NEK10: variants seen among roughly 807,000 people sequenced by gnomAD.
NEK10 encodes the protein serine/threonine-protein kinase Nek10.
NEK10 carries 122 observed loss-of-function variants against 159.8 expected under a neutral mutation model. The observed-to-expected ratio is 0.76, with a 90% CI of 0.66 to 0.89. The LOEUF (loss-of-function observed/expected upper bound fraction) is 0.89, where lower values mean the gene tolerates loss of function less well. Ranked by LOEUF, NEK10 falls within the 40% of genes least tolerant of loss-of-function variation. The pLI is 0.00. For missense variants in NEK10, 1,342 were observed against 1,323.1 expected, an observed-to-expected ratio of 1.01 and a Z score of -0.22; for synonymous variants, 466 against 457.1, an observed-to-expected ratio of 1.02 and a Z score of -0.25.
At chr3:27,123,108 T>C (rs1023805292) in intron 32 of NEK10, among the ~76,000 whole-genome samples, 1 of 152,236 alleles carries the variant, frequency 6.6e-6, no homozygotes, top group Non-Finnish European at 1.5e-5. Context: ...CCCCAGTGTA[T>C]GTTGGACAGC....
intron 1 of NEK10, chr3:27,367,613 T>C (rs2049190247): frequency 6.6e-6 from 1 of 152,246 alleles, no homozygotes. Flanking sequence ...ATTTTAGAGA[T>C]TCAGTCAGTT....
At chr3:27,211,946 G>A (rs760796666) in intron 23 of NEK10, among the ~76,000 whole-genome samples, 18 of 152,190 alleles carry the variant, frequency 1.2e-4, no homozygotes, top group Admixed American at 2.0e-4. Flanking sequence ...CTTTGGAGGT[G>A]AGGTTGGGTA....
At chr3:27,256,393 AAT>A (rs1399233208) in intron 22 of NEK10, 22 bp from the exon 23 acceptor site, 2 of 1,486,832 alleles carry the variant, frequency 1.3e-6, no homozygotes, top group Non-Finnish European at 1.8e-6. Context: ...AAAACAACGC[AAT>A]ATGTTACTAT....
intron 29 of NEK10, among the ~76,000 whole-genome samples, chr3:27,164,801 C>T (rs1369026608): frequency 6.6e-6 from 1 of 152,240 alleles, no homozygotes; most frequent in Non-Finnish European, 1.5e-5. Context: ...TTGTGGCAAA[C>T]TTGTATCCAT....
At chr3:27,311,937 A>G (rs1433098008) in intron 8 of NEK10, 162 bp downstream of exon 8, 3 of 603,382 alleles carry the variant, frequency 5.0e-6, no homozygotes, top group Non-Finnish European at 9.0e-6. Context: ...TTCTGGCTGT[A>G]TGTTGCCACT....
chr3:27,260,562 G>A (rs552050910), intron 22 of NEK10, among the ~76,000 whole-genome samples: 9 of 152,190 alleles, frequency 5.9e-5, no homozygotes, highest in Non-Finnish European at 1.0e-4. Context: ...GCATCCCAGG[G>A]ATGAAGCCCA....
chr3:27,221,846 C>G (rs1350982159), intron 23 of NEK10, among the ~76,000 whole-genome samples: 1 of 152,124 alleles, frequency 6.6e-6, no homozygotes, highest in East Asian at 1.9e-4. Context: ...CAGTTCAGGC[C>G]CTTTTCAGGA....
intron 6 of NEK10, among the ~76,000 whole-genome samples, chr3:27,316,099 G>A (rs998075057): frequency 3.9e-5 from 6 of 152,146 alleles, no homozygotes; most frequent in African/African-American, 7.2e-5. Context: ...CACTGTGGGA[G>A]GACTTAGATG....
intron 6 of NEK10, among the ~76,000 whole-genome samples, chr3:27,320,161 C>T (rs1258787647): frequency 2.0e-5 from 3 of 152,120 alleles, no homozygotes; most frequent in African/African-American, 7.2e-5. Flanking sequence ...GCCAGCAGGA[C>T]AATATTCGTT....
At chr3:27,149,669 C>T (rs71323266) in intron 30 of NEK10, among the ~76,000 whole-genome samples, 1 of 152,146 alleles carries the variant, frequency 6.6e-6, no homozygotes, top group Non-Finnish European at 1.5e-5. Context: ...CCATCTTTCC[C>T]TTCTTCATAG....
At chr3:27,225,455 T>G (rs1952541028) in intron 23 of NEK10, among the ~76,000 whole-genome samples, 2 of 151,568 alleles carry the variant, frequency 1.3e-5, no homozygotes, top group South Asian at 4.2e-4. Context: ...GTGCACATAA[T>G]GTCCCCTCTT....
chr3:27,321,794 G>A (rs867843154), intron 6 of NEK10, among the ~76,000 whole-genome samples: 2 of 152,186 alleles, frequency 1.3e-5, no homozygotes, highest in Non-Finnish European at 2.9e-5. Context: ...TCAGCCACAT[G>A]AGCAGGCCAT....
intron 23 of NEK10, among the ~76,000 whole-genome samples, chr3:27,238,154 T>C (rs1954149434): frequency 6.6e-6 from 1 of 152,170 alleles, no homozygotes; most frequent in Non-Finnish European, 1.5e-5. Context: ...TAATATGAGT[T>C]AGGGAAAAGC....
intron 22 of NEK10, among the ~76,000 whole-genome samples, chr3:27,261,649 G>T (rs1380245035): frequency 2.0e-5 from 3 of 152,146 alleles, no homozygotes; most frequent in Non-Finnish European, 4.4e-5. Context: ...CCAACTATGT[G>T]GTCAATTTTG....
chr3:27,183,316 T>A lies in NEK10; in HGVS notation c.2506-8483A>T, dbSNP rs1198687455. ...ATATATATTGTCAGGCAATTTTCAATAAAGATGCTTAGCAAAATCCATGGG... is the reference window on the plus strand; with the variant it reads ...ATATATATTGTCAGGCAATTTTCAAAAAAGATGCTTAGCAAAATCCATGGG... On this transcript the variant is annotated intron_variant, in intron 26 of 35. Transcript: ENST00000691995. Among the ~76,000 whole-genome samples, 12 of 149,946 alleles carry A rather than the reference T, an allele frequency of 8.0e-5. No individual in the cohort carries two copies. The East Asian group carries it at 2.3e-3, about 29-fold the overall frequency.
At chr3:27,217,435 G>A (rs758991566) in intron 23 of NEK10, among the ~76,000 whole-genome samples, 3 of 152,158 alleles carry the variant, frequency 2.0e-5, no homozygotes, top group Non-Finnish European at 2.9e-5. Context: ...CAGAGCAGGA[G>A]GAAGAGAGAG....
At chr3:27,345,958 T>C (rs2047518846) in intron 4 of NEK10, 128 bp downstream of exon 4, 4 of 756,128 alleles carry the variant, frequency 5.3e-6, no homozygotes, top group Non-Finnish European at 5.9e-6. Context: ...CTGAAAATAT[T>C]AAATTAAGAA....
At chr3:27,230,396 A>G (rs1953115177) in intron 23 of NEK10, among the ~76,000 whole-genome samples, 3 of 152,108 alleles carry the variant, frequency 2.0e-5, no homozygotes, top group African/African-American at 4.8e-5. Flanking sequence ...CAAAAGTTCA[A>G]TGTGCACCAA....
At chr3:27,155,313 C>T (rs1003906302) in intron 30 of NEK10, among the ~76,000 whole-genome samples, 11 of 152,006 alleles carry the variant, frequency 7.2e-5, no homozygotes, top group African/African-American at 2.7e-4. Context: ...ACCATCCTGG[C>T]CAACATGGTG....
Sources: allele counts gnomAD v4.1 joint callset (sites outside exome capture counted in the v4.1 genomes callset), GRCh38; gene constraint gnomAD v4.1.1; transcripts MANE v1.5; gene names NCBI Gene and HGNC (gene_info 2026-07-23, HGNC 2026-07-21).